The following ARPP19 variants were observed in gnomAD, a reference collection of about 807,000 sequenced individuals.
ARPP19 encodes cAMP regulated phosphoprotein 19, also known as cAMP-regulated phosphoprotein 19.
ARPP19 carries 8 observed loss-of-function variants against 12.0 expected under a neutral mutation model. That is an observed-to-expected ratio of 0.67 (90% CI 0.39 to 1.21). The LOEUF is 1.21. Ranked by LOEUF, ARPP19 falls within the 50% of genes most tolerant of loss-of-function variation. The pLI, the probability that ARPP19 is intolerant of heterozygous loss-of-function variation, is 0.01. For synonymous variants in ARPP19, 47 were observed against 50.4 expected, an observed-to-expected ratio of 0.93 and a Z score of 0.29; for missense variants, 102 against 136.3, an observed-to-expected ratio of 0.75 and a Z score of 1.25.
intron 2 of ARPP19, 161 bp downstream of exon 2, chr15:52,556,939 A>T: frequency 1.5e-6 from 1 of 653,344 alleles, no homozygotes; most frequent in South Asian, 2.9e-5. Context: ...ATGCTTATTT[A>T]TAAACTGCAA....
At position 52,562,906 on chromosome 15, in the gene ARPP19, C is replaced by T. The variant is rs149592109; in HGVS notation, c.46-5684G>A. Among the ~76,000 whole-genome samples the T allele has an allele frequency of 2.6e-3, 364 of 139,556 alleles. 8 individuals carry two copies. The East Asian group carries it at 0.063, about 24-fold the overall frequency. 91.6% of individuals were successfully genotyped at this position (139,556 alleles called of 152,430 possible). A position where few individuals can be genotyped will look rare whatever the true frequency, so the allele number is the denominator to read the frequency against. On this transcript the variant is annotated intron_variant, in intron 1 of 2. Transcript: ENST00000249822. Reference sequence around the variant, plus strand: ...TTTTTGAGACAGAGTCTCACTCTGTCGCCCAGGCTGGAGTGTGGTGGCACG... The same window carrying T: ...TTTTTGAGACAGAGTCTCACTCTGTTGCCCAGGCTGGAGTGTGGTGGCACG...
intron 1 of ARPP19, chr15:52,568,515 T>A: frequency 3.5e-6 from 1 of 287,608 alleles, no homozygotes; most frequent in Non-Finnish European, 6.4e-6. Context: ...AAAATAAAAC[T>A]TCCTAACCAA....
At chr15:52,555,531 A>G (rs1026004334) in intron 2 of ARPP19, among the ~76,000 whole-genome samples, 2 of 152,004 alleles carry the variant, frequency 1.3e-5, no homozygotes, top group African/African-American at 2.4e-5. Context: ...TTATTTAATC[A>G]TTTCTCTGCT....
intron 1 of ARPP19, among the ~76,000 whole-genome samples, chr15:52,560,813 A>C (rs2078025220): frequency 6.6e-6 from 1 of 152,240 alleles, no homozygotes; most frequent in East Asian, 1.9e-4. Context: ...CACCACCAAC[A>C]GCAGACAGCA....
At chr15:52,557,260 C>G (rs927386278) in intron 1 of ARPP19, 38 bp from the exon 2 acceptor site, 3 of 1,493,112 alleles carry the variant, frequency 2.0e-6, no homozygotes, top group Non-Finnish European at 2.7e-6. Flanking sequence ...TCTATTACAA[C>G]TCAGTTATTT....
At chr15:52,562,006 G>A (rs1202258738) in intron 1 of ARPP19, among the ~76,000 whole-genome samples, 1 of 147,656 alleles carries the variant, frequency 6.8e-6, no homozygotes, top group Admixed American at 6.9e-5. Flanking sequence ...TAGAACTCCT[G>A]GCCTCAAGCA....
rs183117887 is a variant in ARPP19, at chr15:52,549,484, G to C, written c.*2450C>G. 9.4e-4 allele frequency: 144 copies of C among 152,684 alleles called. 1 individual carries two copies. The highest frequency in any genetic ancestry group is 3.4e-3 in the African/African-American group (142 of 41,538). 9.5% of individuals were successfully genotyped at this position (152,684 alleles called of 1,614,324 possible). On this transcript the variant is annotated 3_prime_UTR_variant, in exon 3 of 3. Coordinates refer to ENST00000249822, the MANE Select transcript of ARPP19 (RefSeq NM_006628.6). Reference sequence around the variant, plus strand: ...AAAAATCCTGAGATTTAAGCACTGTGACTTACAGAAGGCAGGTTGGCTTAA... The same window carrying C: ...AAAAATCCTGAGATTTAAGCACTGTCACTTACAGAAGGCAGGTTGGCTTAA...
chr15:52,569,133 G>A (rs965643837), upstream of ARPP19: 34 of 523,512 alleles, frequency 6.5e-5, no homozygotes, highest in African/African-American at 5.5e-4. Flanking sequence ...CGCTTCTCCC[G>A]CTCGCTGTCG....
intron 2 of ARPP19, 107 bp downstream of exon 2, chr15:52,556,993 A>T (rs1029153529): frequency 2.2e-4 from 276 of 1,236,734 alleles, no homozygotes; most frequent in Non-Finnish European, 3.1e-4. Context: ...ACATATGTAC[A>T]TACCTGATAA....
Position 52,568,841 on chromosome 15 carries a change from C to A in ARPP19, c.45+7G>T, listed in dbSNP as rs757323325. ...CAGGGCCCAGGGCTCACGCCCCGCG[C>A]GCTCACCTTCTGCTCCTCCGCGGAG... On this transcript the variant is annotated splice_region_variant and intron_variant, in intron 1 of 2. Transcript: ENST00000249822. 4 of 1,569,934 alleles carry A rather than the reference C, an allele frequency of 2.5e-6. No homozygotes were observed. Among genetic ancestry groups the A allele is most frequent in the Non-Finnish European group, 3.4e-6 (4 of 1,162,386 alleles).
chr15:52,561,132 T>C (rs1321443265), intron 1 of ARPP19, among the ~76,000 whole-genome samples: 1 of 152,234 alleles, frequency 6.6e-6, no homozygotes, highest in African/African-American at 2.4e-5. Context: ...AAGCGATTTA[T>C]CCACAGTCAT....
chr15:52,561,043 T>C (rs888991351), intron 1 of ARPP19, among the ~76,000 whole-genome samples: 30 of 152,240 alleles, frequency 2.0e-4, no homozygotes, highest in African/African-American at 7.0e-4. Flanking sequence ...CTAAAAATCA[T>C]ATTCCTTCCT....
intron 1 of ARPP19, among the ~76,000 whole-genome samples, chr15:52,560,401 G>A (rs1187902673): frequency 1.3e-5 from 2 of 152,154 alleles, no homozygotes; most frequent in East Asian, 3.8e-4. Flanking sequence ...AGCTGCAAAT[G>A]TCATTTATAT....
intron 2 of ARPP19, among the ~76,000 whole-genome samples, chr15:52,553,814 C>T (rs2077957548): frequency 6.6e-6 from 1 of 152,176 alleles, no homozygotes; most frequent in Admixed American, 6.5e-5. Flanking sequence ...TATTGAGTGG[C>T]CTGAGGAAAA....
intron 1 of ARPP19, among the ~76,000 whole-genome samples, chr15:52,566,431 T>G (rs956717765): frequency 6.6e-6 from 1 of 152,146 alleles, no homozygotes; most frequent in Non-Finnish European, 1.5e-5. Flanking sequence ...AGTGCTGGGA[T>G]TACAGCTGTG....
chr15:52,563,689 G>GT (rs1465637016), intron 1 of ARPP19, among the ~76,000 whole-genome samples: 1 of 152,146 alleles, frequency 6.6e-6, no homozygotes, highest in Non-Finnish European at 1.5e-5. Context: ...GCAGAGGAGG[G>GT]TTATACAGCA....
Position 52,550,521 on chromosome 15 carries a change from T to A in ARPP19, c.*1413A>T, listed in dbSNP as rs960884405. 1 of 152,076 alleles carries A rather than the reference T, an allele frequency of 6.6e-6. No homozygotes were observed. Among genetic ancestry groups the A allele is most frequent in the African/African-American group, 2.4e-5 (1 of 41,388 alleles). 9.4% of individuals were successfully genotyped at this position (152,076 alleles called of 1,614,324 possible). On this transcript the variant is annotated 3_prime_UTR_variant, in exon 3 of 3. Transcript: ENST00000249822. ...GTAGAATATTAGTAATAATAAAGGA[T>A]CAAGAATAGTTAACTTGAGCCTAGG...
Position 52,550,753 on chromosome 15 carries a change from A to C in ARPP19, c.*1181T>G, listed in dbSNP as rs189187576. On this transcript the variant is annotated 3_prime_UTR_variant, in exon 3 of 3. Transcript: ENST00000249822. The stretch of plus-strand genomic sequence containing the variant: ...AGCTCAATACCATTTGAGTCAAAGA[A>C]CAAAGGGGAAAAAAAAGCAGGTGGC... 196 of 152,768 alleles carry C rather than the reference A, an allele frequency of 1.3e-3. No individual in the cohort carries two copies. The highest frequency in any genetic ancestry group is 4.5e-3 in the African/African-American group (188 of 41,576). The allele number at this position is 152,768 out of a possible 1,614,324, so 9.5% of individuals were successfully genotyped here.
chr15:52,568,523 C>T (rs2078107440), intron 1 of ARPP19: 1 of 309,088 alleles, frequency 3.2e-6, no homozygotes, highest in South Asian at 1.0e-4. Flanking sequence ...ACTTCCTAAC[C>T]AAATTGAGGC....
Sources: gnomAD v4.1 joint callset for allele counts (sites outside exome capture counted in the v4.1 genomes callset) on GRCh38, gnomAD v4.1.1 for gene constraint, MANE v1.5 for transcripts, NCBI Gene and HGNC (gene_info 2026-07-23, HGNC 2026-07-21) for gene names.